Variants in PLD5 observed in about 807,000 individuals in gnomAD.
PLD5 encodes phospholipase D family member 5, also known as inactive phospholipase D5.
A neutral mutation model predicts 61.1 loss-of-function variants in PLD5; 36 were observed. That is an observed-to-expected ratio of 0.59 (90% CI 0.45 to 0.78). The LOEUF is 0.78. Ranked by LOEUF, PLD5 falls within the 30% of genes least tolerant of loss-of-function variation. The pLI is 0.00. For synonymous variants in PLD5, 243 were observed against 242.8 expected (o/e 1.00, Z -0.01); for missense variants, 515 against 644.4 (o/e 0.80, Z 2.17).
intron 5 of PLD5, among the ~76,000 whole-genome samples, chr1:242,169,276 C>T (rs1666564009): frequency 6.6e-6 from 1 of 152,138 alleles, no homozygotes; most frequent in African/African-American, 2.4e-5. Flanking sequence ...ACAGTGAGTG[C>T]AGCCCATGGA....
chr1:242,345,733 A>C (rs1459985643), intron 2 of PLD5: 2 of 671,780 alleles, frequency 3.0e-6, no homozygotes, highest in Non-Finnish European at 5.5e-6. Context: ...TCAAATTCAA[A>C]TGAGAATAAT....
upstream of PLD5, among the ~76,000 whole-genome samples, chr1:242,525,505 G>A (rs895889553): frequency 1.3e-5 from 2 of 152,256 alleles, no homozygotes; most frequent in Admixed American, 1.3e-4. Context: ...ATTAGGAATA[G>A]GGTGGCTTGT....
Position 242,311,757 on chromosome 1 carries a change from CAAATT to C in PLD5, c.327-23232_327-23228del, listed in dbSNP as rs575456425. Among the ~76,000 whole-genome samples, 333 of 152,264 alleles carry C rather than the reference CAAATT, an allele frequency of 2.2e-3. 2 individuals carry two copies. Among genetic ancestry groups the C allele is most frequent in the African/African-American group, 7.8e-3 (325 of 41,558 alleles). On this transcript the variant is annotated intron_variant, in intron 2 of 9. Coordinates refer to ENST00000536534, the MANE Select transcript of PLD5 (RefSeq NM_001372062.1). ...GCATTTGTACATTTATGTCTTTCCT[CAAATT>C]GGGGGTATTTTCTGTCATTGTTTCT...
intron 4 of PLD5, among the ~76,000 whole-genome samples, chr1:242,237,751 A>G (rs76573923): frequency 3.5e-4 from 54 of 152,316 alleles, no homozygotes; most frequent in African/African-American, 1.2e-3. Flanking sequence ...GCCACCTGCT[A>G]TGGCTCACCT....
rs1479365427 is a variant in PLD5 at position 242,396,668 on chromosome 1, C to CTTTCTTTTTTTTTTTTTTTTTTTTTTTTT, written c.190-48427_190-48426insAAAAAAAAAAAAAAAAAAAAAAAAAGAAA. Among the ~76,000 whole-genome samples, 2 of 125,150 alleles carry CTTTCTTTTTTTTTTTTTTTTTTTTTTTTT rather than the reference C, an allele frequency of 1.6e-5. 1 individual carries two copies. 82.1% of individuals were successfully genotyped at this position (125,150 alleles called of 152,430 possible). On this transcript the variant is annotated intron_variant, in intron 1 of 9. Coordinates refer to ENST00000536534, the MANE Select transcript of PLD5 (RefSeq NM_001372062.1). ...GCATGCTATTTTCTTTCTTTCTTTT[C>CTTTCTTTTTTTTTTTTTTTTTTTTTTTTT]TTTTCTTTTTTTTTTTTTTTTTTGA...
intron 5 of PLD5, among the ~76,000 whole-genome samples, chr1:242,153,724 G>A (rs539770265): frequency 3.1e-4 from 47 of 152,152 alleles, no homozygotes; most frequent in Non-Finnish European, 6.0e-4. Flanking sequence ...CTCTGTTTTG[G>A]TACCAGTACC....
upstream of PLD5, among the ~76,000 whole-genome samples, chr1:242,525,130 G>A (rs904152273): frequency 1.3e-5 from 2 of 151,756 alleles, no homozygotes; most frequent in Non-Finnish European, 2.9e-5. Flanking sequence ...AAGGGACTTA[G>A]AGCAGAGGGT....
intron 2 of PLD5, among the ~76,000 whole-genome samples, chr1:242,291,419 T>C (rs373304483): frequency 8.6e-4 from 131 of 152,198 alleles, no homozygotes; most frequent in Middle Eastern, 3.4e-3. Flanking sequence ...CGTAACTATA[T>C]ACTATAGTAT....
chr1:242,273,042 C>T (rs960275281), intron 3 of PLD5, among the ~76,000 whole-genome samples: 4 of 152,140 alleles, frequency 2.6e-5, no homozygotes, highest in Non-Finnish European at 5.9e-5. Flanking sequence ...GGCCGGCATG[C>T]ATTAGGTATT....
chr1:242,139,732 C>G (rs1452587660), intron 5 of PLD5, among the ~76,000 whole-genome samples: 2 of 152,176 alleles, frequency 1.3e-5, no homozygotes, highest in Non-Finnish European at 2.9e-5. Context: ...TGGAGGCAGA[C>G]AGGACAGGGA....
intron 2 of PLD5, among the ~76,000 whole-genome samples, chr1:242,304,671 T>C (rs928811915): frequency 6.6e-6 from 1 of 152,232 alleles, no homozygotes; most frequent in Non-Finnish European, 1.5e-5. Context: ...AATTTGAATA[T>C]GTCAAAGTTT....
At chr1:242,112,507 T>C (rs1394364988) in intron 7 of PLD5, among the ~76,000 whole-genome samples, 1 of 152,102 alleles carries the variant, frequency 6.6e-6, no homozygotes, top group African/African-American at 2.4e-5. Context: ...CTAATTTTTG[T>C]AAAGATGCAC....
At chr1:242,253,574 A>G (rs1672841284) in intron 4 of PLD5, among the ~76,000 whole-genome samples, 1 of 151,890 alleles carries the variant, frequency 6.6e-6, no homozygotes, top group African/African-American at 2.4e-5. Flanking sequence ...CGGTCTCCCA[A>G]AGTGCTGGGA....
intron 7 of PLD5, among the ~76,000 whole-genome samples, chr1:242,109,708 A>AT (rs1373888190): frequency 6.7e-6 from 1 of 148,778 alleles, no homozygotes; most frequent in African/African-American, 2.6e-5. Context: ...ATTCCTCATT[A>AT]TTTTTTTTCA....
intron 5 of PLD5, among the ~76,000 whole-genome samples, chr1:242,196,558 A>G (rs1668648787): frequency 6.6e-6 from 1 of 152,226 alleles, no homozygotes; most frequent in African/African-American, 2.4e-5. Flanking sequence ...ATATACACAC[A>G]TATATAAATG....
chr1:242,165,186 A>G (rs918240772), intron 5 of PLD5, among the ~76,000 whole-genome samples: 3 of 109,228 alleles, frequency 2.7e-5, no homozygotes, highest in Non-Finnish European at 7.0e-5. Context: ...TTTACTTAAG[A>G]AAAAAAAAAA....
intron 5 of PLD5, among the ~76,000 whole-genome samples, chr1:242,129,808 C>T (rs1663092074): frequency 6.6e-6 from 1 of 152,170 alleles, no homozygotes; most frequent in African/African-American, 2.4e-5. Flanking sequence ...TCTCACCCTT[C>T]TGAATCTCCA....
At chr1:242,246,475 G>C (rs1173989639) in intron 4 of PLD5, among the ~76,000 whole-genome samples, 1 of 63,880 alleles carries the variant, frequency 1.6e-5, no homozygotes, top group African/African-American at 5.6e-5. Flanking sequence ...GCATAGAAAA[G>C]ACAACACACA....
In PLD5 at chr1:242,414,632, T is replaced by C. The variant is rs576649275; in HGVS notation, c.190-66390A>G. ...TCCTTAGTGAATACATCAGGATAAATTTCAAACACATCAAAGACTCGGATG... is the reference window on the plus strand; with the variant it reads ...TCCTTAGTGAATACATCAGGATAAACTTCAAACACATCAAAGACTCGGATG... On this transcript the variant is annotated intron_variant, in intron 1 of 9. Transcript: ENST00000536534. 5.7e-4 allele frequency among the ~76,000 whole-genome samples: 87 copies of C among 152,274 alleles called. 1 individual carries two copies. The highest frequency in any genetic ancestry group is 3.6e-3 in the Admixed American group (55 of 15,290).
Sources: allele counts gnomAD v4.1 joint callset (sites outside exome capture counted in the v4.1 genomes callset), GRCh38; gene constraint gnomAD v4.1.1; transcripts MANE v1.5; gene names NCBI Gene and HGNC (gene_info 2026-07-23, HGNC 2026-07-21).